The following UMAD1 variants were observed in gnomAD, a reference collection of about 807,000 sequenced individuals.
The protein encoded by UMAD1 is UBAP1-MVB12-associated (UMA) domain containing 1.
UMAD1 carries 8 observed loss-of-function variants against 6.1 expected under a neutral mutation model. The observed-to-expected ratio is 1.30, with a 90% CI of 0.76 to 2.35. UMAD1 has a LOEUF of 2.35. Ranked by LOEUF, UMAD1 falls within the 30% of genes most tolerant of loss-of-function variation. The probability of loss-of-function intolerance (pLI) is 0.00; values close to 1 mark genes in which losing one functional copy is unlikely to be tolerated. For missense variants in UMAD1, 130 were observed against 78.4 expected, an observed-to-expected ratio of 1.66 and a Z score of -2.49; for synonymous variants, 56 against 31.4, an observed-to-expected ratio of 1.78 and a Z score of -2.61.
chr7:7,824,524 T>G (rs937835863), intron 3 of UMAD1, among the ~76,000 whole-genome samples: 7 of 152,180 alleles, frequency 4.6e-5, no homozygotes, highest in African/African-American at 1.7e-4. Context: ...GTGTGAGGCT[T>G]TCTCTGACCA....
intron 3 of UMAD1, among the ~76,000 whole-genome samples, chr7:7,855,449 C>A (rs1243233919): frequency 1.3e-5 from 2 of 152,250 alleles, no homozygotes; most frequent in East Asian, 3.8e-4. Context: ...AAGACCAACA[C>A]CACCTGGAAG....
intron 2 of UMAD1, among the ~76,000 whole-genome samples, chr7:7,675,493 C>T (rs1481966382): frequency 6.6e-6 from 1 of 152,164 alleles, no homozygotes; most frequent in Non-Finnish European, 1.5e-5. Flanking sequence ...CCTTCTGCCT[C>T]CGAGTATTAT....
At chr7:7,716,659 C>T (rs1019260824) in intron 2 of UMAD1, among the ~76,000 whole-genome samples, 2 of 152,086 alleles carry the variant, frequency 1.3e-5, no homozygotes, top group South Asian at 2.1e-4. Flanking sequence ...GGGTGGAGGC[C>T]GGCGCGGCCG....
At chr7:7,857,676 G>A (rs772919708) in intron 3 of UMAD1, among the ~76,000 whole-genome samples, 10 of 152,210 alleles carry the variant, frequency 6.6e-5, no homozygotes, top group Non-Finnish European at 7.3e-5. Context: ...TGCTTTTAGG[G>A]ATTAAAATAG....
chr7:7,685,597 C>T (rs766743949), intron 2 of UMAD1, among the ~76,000 whole-genome samples: 3 of 152,112 alleles, frequency 2.0e-5, no homozygotes, highest in Admixed American at 2.0e-4. Context: ...CGTGAGCCAC[C>T]GTGCCCGGCC....
At chr7:7,739,553 T>C (rs549921524) in intron 2 of UMAD1, among the ~76,000 whole-genome samples, 45 of 152,366 alleles carry the variant, frequency 3.0e-4, no homozygotes, top group African/African-American at 1.1e-3. Context: ...TTTTCCAAAC[T>C]TAAAATAGAT....
chr7:7,864,110 T>A (rs191693758), intron 3 of UMAD1, among the ~76,000 whole-genome samples: 178 of 152,350 alleles, frequency 1.2e-3, no homozygotes, highest in Non-Finnish European at 2.2e-3. Context: ...CCCGATTTTA[T>A]GCAGTAAACC....
At chr7:7,679,946 G>C (rs1048030503) in intron 2 of UMAD1, among the ~76,000 whole-genome samples, 2 of 151,762 alleles carry the variant, frequency 1.3e-5, no homozygotes, top group African/African-American at 4.8e-5. Context: ...TTCATCCATT[G>C]TCAGATGAGT....
chr7:7,753,182 A>C (rs1040490576), intron 2 of UMAD1, among the ~76,000 whole-genome samples: 6 of 152,194 alleles, frequency 3.9e-5, no homozygotes, highest in Non-Finnish European at 7.3e-5. Flanking sequence ...TATGGAGTAC[A>C]TGAGATGTTT....
chr7:7,743,806 T>C (rs1214256958), intron 2 of UMAD1, among the ~76,000 whole-genome samples: 1 of 151,960 alleles, frequency 6.6e-6, no homozygotes, highest in African/African-American at 2.4e-5. Flanking sequence ...CATTTACAAG[T>C]GTACAATTTA....
rs556906777 is a variant in UMAD1, at chr7:7,867,951, G to C, written c.157-9330G>C. On this transcript the variant is annotated intron_variant, in intron 3 of 3. Transcript: ENST00000682710. ...ATACAAATGCAGATACATTTGTTGG[G>C]GGGTAGAGCAGATAGAGGAGATCCT... is the stretch of plus-strand genomic sequence containing the variant. Among the ~76,000 whole-genome samples the C allele has an allele frequency of 8.5e-5, 13 of 152,170 alleles. 2 individuals carry two copies. In the South Asian group the frequency reaches 2.5e-3, roughly 29 times the overall value.
At chr7:7,653,554 G>C (rs1264742815) in intron 1 of UMAD1, among the ~76,000 whole-genome samples, 1 of 152,156 alleles carries the variant, frequency 6.6e-6, no homozygotes, top group Non-Finnish European at 1.5e-5. Context: ...AGTGCATCAC[G>C]CACTAGGTGA....
At chr7:7,777,574 AATATATATAT>A (rs58039932) in intron 2 of UMAD1, among the ~76,000 whole-genome samples, 5 of 113,558 alleles carry the variant, frequency 4.4e-5, no homozygotes, top group African/African-American at 1.2e-4. Flanking sequence ...TACATGAGCA[AATATATATAT>A]ATATATATAT....
chr7:7,754,057 C>T (rs1260195904), intron 2 of UMAD1, among the ~76,000 whole-genome samples: 1 of 152,008 alleles, frequency 6.6e-6, no homozygotes, highest in Non-Finnish European at 1.5e-5. Flanking sequence ...TGGTGGCGGG[C>T]GCCTGTAATC....
intron 1 of UMAD1, among the ~76,000 whole-genome samples, chr7:7,649,423 C>T (rs1394284692): frequency 6.6e-6 from 1 of 152,164 alleles, no homozygotes; most frequent in Non-Finnish European, 1.5e-5. Flanking sequence ...TCAGAGCTCT[C>T]ATAACCTGGT....
intron 2 of UMAD1, among the ~76,000 whole-genome samples, chr7:7,751,277 G>A (rs1386742523): frequency 2.0e-5 from 3 of 152,124 alleles, no homozygotes; most frequent in Admixed American, 6.6e-5. Flanking sequence ...ATGAATGTGT[G>A]GGGCAAATAA....
intron 3 of UMAD1, among the ~76,000 whole-genome samples, chr7:7,855,751 A>T (rs568683526): frequency 6.6e-6 from 1 of 152,294 alleles, no homozygotes; most frequent in Admixed American, 6.5e-5. Context: ...AGAGGGTTTG[A>T]ATTTTTCTCC....
chr7:7,789,263 A>G (rs1434236121), intron 2 of UMAD1, among the ~76,000 whole-genome samples: 2 of 151,596 alleles, frequency 1.3e-5, no homozygotes, highest in Admixed American at 6.6e-5. Flanking sequence ...AACCAATTCT[A>G]TGGCTGAGAG....
intron 2 of UMAD1, among the ~76,000 whole-genome samples, chr7:7,711,816 T>C (rs1254114154): frequency 6.6e-6 from 1 of 152,160 alleles, no homozygotes; most frequent in Admixed American, 6.5e-5. Context: ...TTAAAATATA[T>C]AAAACTTTTC....
Sources: gnomAD v4.1 joint callset for allele counts (sites outside exome capture counted in the v4.1 genomes callset) on GRCh38, gnomAD v4.1.1 for gene constraint, MANE v1.5 for transcripts, NCBI Gene and HGNC (gene_info 2026-07-23, HGNC 2026-07-21) for gene names.